Variants in CUX2 observed in about 807,000 individuals in gnomAD.
The protein encoded by CUX2 is cut like homeobox 2, also known as homeobox protein cut-like 2.
In CUX2, 40 loss-of-function variants were observed where a neutral mutation model predicts 144.8. The ratio of observed to expected loss-of-function variants is 0.28; its 90% confidence interval spans 0.21 to 0.36. CUX2 has a LOEUF of 0.36. CUX2 is among the 10% of genes least tolerant of loss of function. The pLI is 1.00. For synonymous variants in CUX2, 827 were observed against 875.6 expected (o/e 0.94, Z 0.98); for missense variants, 1,615 against 1,994.0 (o/e 0.81, Z 3.62).
At chr12:111,243,496 CTTTTTTTT>C (rs761276935) in intron 3 of CUX2, among the ~76,000 whole-genome samples, 46 of 80,018 alleles carry the variant, frequency 5.7e-4, no homozygotes, top group African/African-American at 2.5e-3. Context: ...GTTGATGTGC[CTTTTTTTT>C]TTTTTTTTTT....
intron 1 of CUX2, among the ~76,000 whole-genome samples, chr12:111,201,784 A>C (rs994992928): frequency 6.6e-6 from 1 of 152,190 alleles, no homozygotes; most frequent in African/African-American, 2.4e-5. Flanking sequence ...AACCTTGAAA[A>C]AGAGGCTGCT....
chr12:111,235,962 T>A (rs528526186), intron 3 of CUX2, among the ~76,000 whole-genome samples: 1 of 152,210 alleles, frequency 6.6e-6, no homozygotes, highest in South Asian at 2.1e-4. Context: ...CCTGTGAGAT[T>A]CAGTCTGGGA....
chr12:111,065,286 CA>C (rs1334626365), intron 1 of CUX2, among the ~76,000 whole-genome samples: 7 of 152,236 alleles, frequency 4.6e-5, no homozygotes, highest in African/African-American at 1.7e-4. Flanking sequence ...GGATTTGACC[CA>C]GGGCCGATGG....
At chr12:111,162,646 T>C (rs1285353251) in intron 1 of CUX2, among the ~76,000 whole-genome samples, 2 of 152,242 alleles carry the variant, frequency 1.3e-5, no homozygotes, top group South Asian at 4.1e-4. Context: ...AGTGCGTGTA[T>C]GTTTCTTGAA....
intron 3 of CUX2, among the ~76,000 whole-genome samples, chr12:111,223,005 C>T (rs568461988): frequency 1.8e-4 from 28 of 152,242 alleles, no homozygotes; most frequent in African/African-American, 6.7e-4. Flanking sequence ...GTGGTCACCT[C>T]GCCTCCTTTT....
At position 111,191,438 on chromosome 12, in the gene CUX2, C is replaced by T. The variant is rs146322799; in HGVS notation, c.64-22762C>T. On this transcript the variant is annotated intron_variant, in intron 1 of 21. Coordinates refer to ENST00000261726, the MANE Select transcript of CUX2 (RefSeq NM_015267.4). ...CCTCCATCTCCTGCGTTCAAGCAAT[C>T]CTCCTGCCTCAGCTTCCGGAGTAGC... 3.6e-3 allele frequency among the ~76,000 whole-genome samples: 546 copies of T among 152,204 alleles called. 19 individuals carry two copies. In the East Asian group the frequency reaches 0.083, roughly 23 times the overall value.
intron 1 of CUX2, among the ~76,000 whole-genome samples, chr12:111,101,971 T>C (rs1018942835): frequency 6.6e-6 from 1 of 152,234 alleles, no homozygotes; most frequent in Non-Finnish European, 1.5e-5. Flanking sequence ...GTAAGTACTA[T>C]AGAGCAGGAG....
chr12:111,191,619 C>T (rs906192782), intron 1 of CUX2, among the ~76,000 whole-genome samples: 3 of 152,194 alleles, frequency 2.0e-5, no homozygotes, highest in Non-Finnish European at 4.4e-5. Flanking sequence ...AGCCCCCATA[C>T]CCAGCCCTGC....
chr12:111,327,325 G>A (rs750262733), intron 18 of CUX2, among the ~76,000 whole-genome samples: 14 of 152,126 alleles, frequency 9.2e-5, no homozygotes, highest in South Asian at 4.1e-4. Flanking sequence ...TGAATAATGC[G>A]CCTATGAAAA....
In CUX2 at chr12:111,235,157, A is replaced by G. The variant is rs767372931; in HGVS notation, c.222+17220A>G. ...CTAGCACAAAGAAAGCTTAAAATGA[A>G]TAATTATTCCCGGATGGCTATTTAG... On this transcript the variant is annotated intron_variant, in intron 3 of 21. Transcript: ENST00000261726. Among the ~76,000 whole-genome samples the G allele has an allele frequency of 1.1e-4, 17 of 152,334 alleles. No individual in the cohort carries two copies. The Middle Eastern group carries it at 0.02, about 183-fold the overall frequency.
At chr12:111,339,519 C>T (rs570815002) in intron 20 of CUX2, 1 of 152,302 alleles carries the variant, frequency 6.6e-6, no homozygotes, top group East Asian at 1.9e-4. Flanking sequence ...ATAAGATAAG[C>T]TGGCATTGTC....
At chr12:111,339,219 G>A (rs1489062140) in intron 20 of CUX2, among the ~76,000 whole-genome samples, 2 of 151,586 alleles carry the variant, frequency 1.3e-5, no homozygotes, top group Non-Finnish European at 2.9e-5. Context: ...GCGACAGAAC[G>A]ACTCTGTCTC....
rs747389039 is a variant in CUX2, at chr12:111,178,929, G to A, written c.64-35271G>A. Among the ~76,000 whole-genome samples, 8 of 152,140 alleles carry A rather than the reference G, an allele frequency of 5.3e-5. No homozygotes were observed. The highest frequency in any genetic ancestry group is 1.2e-4 in the Non-Finnish European group (8 of 68,012). On this transcript the variant is annotated intron_variant, in intron 1 of 21. Transcript: ENST00000261726. The surrounding 1 kb of genome is among the most constrained non-coding windows in gnomAD (Gnocchi z 5.7). ...GGGGAATGACAGCAAGGGGGTCAGC[G>A]GTCGGCGCAGGGGAAAGCAGGGCTG...
intron 8 of CUX2, 50 bp downstream of exon 8, chr12:111,296,589 C>T: frequency 6.6e-7 from 1 of 1,524,700 alleles, no homozygotes; most frequent in South Asian, 1.2e-5. Flanking sequence ...GCCTCCCAGA[C>T]AGGCCTCCTC....
At chr12:111,315,114 A>G (rs948714965) in intron 16 of CUX2, among the ~76,000 whole-genome samples, 1 of 152,168 alleles carries the variant, frequency 6.6e-6, no homozygotes, top group African/African-American at 2.4e-5. Context: ...GCAAGAGGAA[A>G]AATACAAAGG....
intron 1 of CUX2, among the ~76,000 whole-genome samples, chr12:111,188,797 T>C (rs982790553): frequency 6.6e-6 from 1 of 152,068 alleles, no homozygotes; most frequent in Non-Finnish European, 1.5e-5. Flanking sequence ...TGATTCATGT[T>C]TGTGAACGCA....
intron 1 of CUX2, among the ~76,000 whole-genome samples, chr12:111,211,624 G>A (rs1005458675): frequency 2.6e-5 from 4 of 152,142 alleles, no homozygotes; most frequent in African/African-American, 9.7e-5. Context: ...GGTGGCTCAC[G>A]CCTGTAATCC....
chr12:111,310,416 G>C lies in CUX2; in HGVS notation c.1634G>C (p.Gly545Ala). 6.2e-7 allele frequency: 1 copy of C among 1,610,606 alleles called. No individual in the cohort carries two copies. Among genetic ancestry groups the C allele is most frequent in the Non-Finnish European group, 8.5e-7 (1 of 1,178,630 alleles). Residue 545 changes from glycine (G) to alanine (A), a missense_variant, in exon 15 of 22, where the codon GGG becomes GCG. Physicochemically the swap from Gly to Ala is moderately conservative, Grantham distance 60. Transcript: ENST00000261726. This position sits in a 1 kb window ranked among gnomAD's most constrained non-coding sequence, Gnocchi z 7.9. ...GATGGTGGTGGGGGCGGAGCGGCGGGGCCCGGGGCAGAGGAGGAGCAGCTG... is the reference window on the plus strand; with the variant it reads ...GATGGTGGTGGGGGCGGAGCGGCGGCGCCCGGGGCAGAGGAGGAGCAGCTG... ...PADGGGGGAA[G>A]PGAEEEQLDT...
chr12:111,211,860 CTGGGCGA>C (rs1213824182), intron 1 of CUX2, among the ~76,000 whole-genome samples: 1 of 150,166 alleles, frequency 6.7e-6, no homozygotes, highest in East Asian at 2.0e-4. Context: ...GCACCCCAGC[CTGGGCGA>C]CAGAGTGAGA....
Sources: allele counts gnomAD v4.1 joint callset (sites outside exome capture counted in the v4.1 genomes callset), GRCh38; gene constraint gnomAD v4.1.1; non-coding constraint Gnocchi (gnomAD v3.1); transcripts MANE v1.5; gene names NCBI Gene and HGNC (gene_info 2026-07-23, HGNC 2026-07-21).